The following MAPK6 variants were observed in gnomAD, a reference collection of about 807,000 sequenced individuals.
MAPK6 encodes the protein ERK-3.
In MAPK6, 19 loss-of-function variants were observed where a neutral mutation model predicts 59.3. That is an observed-to-expected ratio of 0.32 (90% CI 0.22 to 0.47). MAPK6 has a LOEUF of 0.47. MAPK6 is among the 20% of genes least tolerant of loss of function. The pLI is 1.00. For synonymous variants in MAPK6, 316 were observed against 290.3 expected, an observed-to-expected ratio of 1.09 and a Z score of -0.90; for missense variants, 724 against 847.9, an observed-to-expected ratio of 0.85 and a Z score of 1.81.
At position 52,065,277 on chromosome 15, in the gene MAPK6, T is replaced by C. The variant is rs760726234; in HGVS notation, c.*277T>C. On this transcript the variant is annotated 3_prime_UTR_variant, in exon 6 of 6. Transcript: ENST00000261845. ...GCACTAAGACAAGAACATTCTCTCA[T>C]AGAACATTGATCTGTTTTACAGGAA... The C allele has an allele frequency of 1.0e-5, 3 of 295,728 alleles. No homozygotes were observed. The highest frequency in any genetic ancestry group is 2.2e-5 in the African/African-American group (1 of 45,904). The allele number at this position is 295,728 out of a possible 1,614,324, so 18.3% of individuals were successfully genotyped here. A position where few individuals can be genotyped will look rare whatever the true frequency, so the allele number is the denominator to read the frequency against.
intron 1 of MAPK6, chr15:52,042,677 C>G (rs1200751494): frequency 6.6e-6 from 1 of 152,174 alleles, no homozygotes; most frequent in Non-Finnish European, 1.5e-5. Context: ...ATTATTTGTG[C>G]TTGACTAGAT....
intron 3 of MAPK6, among the ~76,000 whole-genome samples, chr15:52,007,915 T>C (rs1326558408): frequency 4.0e-5 from 6 of 151,808 alleles, no homozygotes; most frequent in African/African-American, 1.4e-4. Context: ...GGTGTGATCT[T>C]GGCTCACTGC....
intron 1 of MAPK6, among the ~76,000 whole-genome samples, chr15:52,034,543 C>G (rs1272375953): frequency 6.6e-6 from 1 of 151,932 alleles, no homozygotes; most frequent in East Asian, 1.9e-4. Context: ...CTCTTGAGCT[C>G]AGGCTGCCTG....
chr15:51,998,203 A>C (rs1056650533), intron 2 of MAPK6, among the ~76,000 whole-genome samples: 9 of 151,698 alleles, frequency 5.9e-5, no homozygotes, highest in African/African-American at 2.2e-4. Flanking sequence ...TGGACTCCCA[A>C]GGTGCTGAGA....
rs1176651674 is a variant in MAPK6 at position 52,013,010 on chromosome 15, AAAAAAAAAAAATATATATATATAT to A, written c.-632+8610_-632+8633del. On this transcript the variant is annotated intron_variant, in intron 3 of 7. Coordinates refer to the MAPK6 transcript ENST00000691380. The stretch of plus-strand genomic sequence containing the variant: ...TGGAAAAAAAAAAAAAAAAAAAAAA[AAAAAAAAAAAATATATATATATAT>A]ATATATATATATATATATATATATA... Among the ~76,000 whole-genome samples the A allele has an allele frequency of 3.3e-4, 7 of 21,130 alleles. No individual in the cohort carries two copies. The East Asian group carries it at 4.1e-3, about 12-fold the overall frequency. 13.9% of individuals were successfully genotyped at this position (21,130 alleles called of 152,430 possible). A position where few individuals can be genotyped will look rare whatever the true frequency, so the allele number is the denominator to read the frequency against.
At chr15:52,044,017 G>T (rs1447518660) in intron 1 of MAPK6, among the ~76,000 whole-genome samples, 2 of 151,096 alleles carry the variant, frequency 1.3e-5, no homozygotes, top group East Asian at 2.0e-4. Context: ...TTCGTGATCT[G>T]CCTGCCTCGG....
intron 2 of MAPK6, 62 bp downstream of exon 2, chr15:52,047,077 A>G: frequency 8.4e-7 from 1 of 1,193,994 alleles, no homozygotes; most frequent in Non-Finnish European, 1.1e-6. Context: ...AGGAATAGGT[A>G]CTTATATTTT....
intron 1 of MAPK6, among the ~76,000 whole-genome samples, chr15:52,036,510 A>T (rs2031246808): frequency 6.6e-6 from 1 of 152,168 alleles, no homozygotes; most frequent in Non-Finnish European, 1.5e-5. Flanking sequence ...ATTTGCTTTT[A>T]TAATAGGCCC....
intron 2 of MAPK6, among the ~76,000 whole-genome samples, chr15:51,998,989 CT>C (rs34070476): frequency 1.7e-4 from 23 of 138,934 alleles, no homozygotes; most frequent in Non-Finnish European, 1.6e-4. Flanking sequence ...CGCGCCCGGC[CT>C]TTTTTTTTTG....
intron 2 of MAPK6, among the ~76,000 whole-genome samples, chr15:51,993,509 T>A (rs1018777939): frequency 2.6e-5 from 4 of 152,176 alleles, no homozygotes; most frequent in Admixed American, 6.5e-5. Context: ...GTTACATATG[T>A]GGAAAGTGAA....
chr15:52,028,199 G>T (rs1176890787), intron 1 of MAPK6, among the ~76,000 whole-genome samples: 2 of 151,920 alleles, frequency 1.3e-5, no homozygotes, highest in Non-Finnish European at 2.9e-5. Flanking sequence ...TGATCCGCCC[G>T]CCTCGGCCTC....
In MAPK6 at chr15:52,064,231, A is replaced by G. The variant is rs2032321788; in HGVS notation, c.1397A>G (p.His466Arg). 1 of 1,611,570 alleles carries G rather than the reference A, an allele frequency of 6.2e-7. No homozygotes were observed. Among genetic ancestry groups the G allele is most frequent in the African/African-American group, 1.3e-5 (1 of 74,994 alleles). ...GTTTGGAGAGAGAGTGAAGTTAACC[A>G]TTACTATGAACCCAAGCTTATTATA... is the stretch of plus-strand genomic sequence containing the variant. Reference protein sequence around the residue: ...NLVWRESEVNHYYEPKLIIDL... With the variant: ...NLVWRESEVNRYYEPKLIIDL... The change falls in exon 6 of 6, where the codon CAT becomes CGT. Residue 466 changes from histidine (H) to arginine (R), a missense_variant. His to Arg is a conservative substitution (Grantham distance 29). Transcript: ENST00000261845.
chr15:52,019,745 T>C (rs190850486), intron 1 of MAPK6, among the ~76,000 whole-genome samples: 8,348 of 151,110 alleles, frequency 0.055, 452 homozygotes, highest in African/African-American at 0.13. Flanking sequence ...CCTGCTGCCG[T>C]CCCGCCGCCT....
chr15:52,032,085 A>G (rs1189414427), intron 1 of MAPK6, among the ~76,000 whole-genome samples: 3 of 151,894 alleles, frequency 2.0e-5, no homozygotes, highest in African/African-American at 4.8e-5. Flanking sequence ...CATGTTAGCC[A>G]GGATGGTCTC....
chr15:52,047,946 A>G (rs2031646154), intron 2 of MAPK6, among the ~76,000 whole-genome samples: 1 of 152,102 alleles, frequency 6.6e-6, no homozygotes, highest in East Asian at 1.9e-4. Context: ...GCCTTCATAC[A>G]AGAATTTAAT....
At chr15:51,974,857 A>G (rs1026496361) in intron 1 of MAPK6, among the ~76,000 whole-genome samples, 1 of 150,612 alleles carries the variant, frequency 6.6e-6, no homozygotes, top group Non-Finnish European at 1.5e-5. Flanking sequence ...AGCTGGGACT[A>G]TAGGCATGCA....
At chr15:52,052,136 G>A (rs1410963880) in intron 3 of MAPK6, among the ~76,000 whole-genome samples, 5 of 152,168 alleles carry the variant, frequency 3.3e-5, no homozygotes, top group Non-Finnish European at 1.5e-5. Flanking sequence ...AAATATGGGA[G>A]TGGTTTAGCT....
intron 1 of MAPK6, among the ~76,000 whole-genome samples, chr15:52,030,126 A>G (rs2030969937): frequency 6.6e-6 from 1 of 151,964 alleles, no homozygotes; most frequent in African/African-American, 2.4e-5. Context: ...GGTTTGTTCA[A>G]TTTGTTGTTT....
In MAPK6 at chr15:52,058,731, A is replaced by G. The variant is rs779023544; in HGVS notation, c.799A>G (p.Ile267Val). ...QELLSVIPVY[I>V]RNDMTEPHKP... ...GCTTCTCAGCGTAATTCCAGTTTAC[A>G]TTAGAAATGACATGACTGAGCCACA... The change falls in exon 4 of 6, where the codon ATT (isoleucine) becomes GTT (valine). Residue 267 changes from isoleucine (I) to valine (V), a missense_variant. Coordinates refer to ENST00000261845, the MANE Select transcript of MAPK6 (RefSeq NM_002748.4). The G allele has an allele frequency of 3.1e-6, 5 of 1,613,636 alleles. No individual in the cohort carries two copies. In the Admixed American group the frequency reaches 6.7e-5, roughly 22 times the overall value.
Sources: allele counts gnomAD v4.1 joint callset (sites outside exome capture counted in the v4.1 genomes callset), GRCh38; gene constraint gnomAD v4.1.1; transcripts MANE v1.5; gene names NCBI Gene and HGNC (gene_info 2026-07-23, HGNC 2026-07-21).